The following FAIM2 variants were observed in gnomAD, a reference collection of about 807,000 sequenced individuals.
FAIM2 encodes the protein Fas apoptotic inhibitory molecule 2.
FAIM2 carries 27 observed loss-of-function variants against 47.4 expected under a neutral mutation model. That is an observed-to-expected ratio of 0.57 (90% CI 0.42 to 0.78). The LOEUF is 0.78. Among genes scored for constraint, FAIM2 ranks in the 30% least tolerant of loss-of-function variants. FAIM2 has a pLI of 0.00. For synonymous variants in FAIM2, 156 were observed against 159.3 expected, an observed-to-expected ratio of 0.98 and a Z score of 0.16; for missense variants, 311 against 389.4, an observed-to-expected ratio of 0.80 and a Z score of 1.69.
At chr12:49,884,228 A>AG (rs1946845343) in intron 11 of FAIM2, among the ~76,000 whole-genome samples, 1 of 58,724 alleles carries the variant, frequency 1.7e-5, no homozygotes, top group South Asian at 5.3e-4. Context: ...CGTCTCAGAA[A>AG]AAAAAAAAAA....
chr12:49,878,860 GTC>G (rs374417830), intron 11 of FAIM2, among the ~76,000 whole-genome samples: 2 of 59,554 alleles, frequency 3.4e-5, no homozygotes, highest in East Asian at 5.3e-4. Context: ...GTATGTGTGT[GTC>G]TGTGCATGTG....
chr12:49,891,063 C>T lies in FAIM2; in HGVS notation c.485+1G>A. The stretch of plus-strand genomic sequence containing the variant: ...AGTTCCTCCTCAAGCCATTAGCATA[C>T]CTGGGTCCAGAACAGCAAGCCAGGG... On this transcript the variant is annotated splice_donor_variant, in intron 6 of 11. Transcript: ENST00000320634. LOFTEE classifies it high-confidence loss of function. The T allele has an allele frequency of 6.2e-7, 1 of 1,614,048 alleles. No individual in the cohort carries two copies. The highest frequency in any genetic ancestry group is 8.5e-7 in the Non-Finnish European group (1 of 1,179,910).
chr12:49,903,408 C>T (rs1193411575), intron 1 of FAIM2, among the ~76,000 whole-genome samples: 3 of 152,162 alleles, frequency 2.0e-5, no homozygotes, highest in African/African-American at 7.2e-5. Flanking sequence ...GGGGGTTGCC[C>T]GATAGGCACT....
chr12:49,880,170 G>GTGTGTGTGCA (rs1946801001), intron 11 of FAIM2, among the ~76,000 whole-genome samples: 1 of 144,390 alleles, frequency 6.9e-6, no homozygotes, highest in African/African-American at 2.6e-5. Context: ...ATGTGTGTAT[G>GTGTGTGTGCA]TGTGTGTATG....
At chr12:49,897,607 C>T (rs982753335) in intron 3 of FAIM2, 24 bp from the exon 4 acceptor site, 14 of 1,595,438 alleles carry the variant, frequency 8.8e-6, no homozygotes, top group African/African-American at 2.7e-5. Flanking sequence ...GGGTTCTACT[C>T]AGCTTGGGGG....
In FAIM2 at chr12:49,873,564, A is replaced by G. The variant is rs115239495; in HGVS notation, c.802-2911T>C. Among the ~76,000 whole-genome samples the G allele has an allele frequency of 2.4e-3, 370 of 152,136 alleles. 1 individual carries two copies. The highest frequency in any genetic ancestry group is 8.7e-3 in the African/African-American group (361 of 41,532). ...TTGGTTGGTTTCCCAGAGCCTGGTC[A>G]CCCCTGGGTGAGCTAATGAAATGGA... On this transcript the variant is annotated intron_variant, in intron 11 of 11. Transcript: ENST00000320634.
At chr12:49,899,478 C>T (rs766705158) in intron 2 of FAIM2, among the ~76,000 whole-genome samples, 1 of 152,190 alleles carries the variant, frequency 6.6e-6, no homozygotes, top group Non-Finnish European at 1.5e-5. Context: ...ACCCTCCAGC[C>T]CCGCTATACA....
At chr12:49,890,500 C>G (rs1946892706) in intron 7 of FAIM2, among the ~76,000 whole-genome samples, 183 bp downstream of exon 7, 1 of 152,172 alleles carries the variant, frequency 6.6e-6, no homozygotes, top group Non-Finnish European at 1.5e-5. Flanking sequence ...CAAGATTAAG[C>G]CCATTTGGAA....
chr12:49,890,629 T>C, intron 7 of FAIM2, 54 bp downstream of exon 7: 1 of 1,557,434 alleles, frequency 6.4e-7, no homozygotes, highest in Non-Finnish European at 8.9e-7. Flanking sequence ...CCTGCTTCCC[T>C]TCTTCCTCCA....
chr12:49,879,154 ATGTG>A lies in FAIM2; in HGVS notation c.801+8228_801+8231del, dbSNP rs755558601. ...TATCTCTGCATGTTTGTGTATGTGC[ATGTG>A]TATGTGTGTGTGCATGAGTGCATGT... On this transcript the variant is annotated intron_variant, in intron 11 of 11. Coordinates refer to ENST00000320634, the MANE Select transcript of FAIM2 (RefSeq NM_012306.4). 4.6e-5 allele frequency among the ~76,000 whole-genome samples: 6 copies of A among 130,444 alleles called. 1 individual carries two copies. Among genetic ancestry groups the A allele is most frequent in the Non-Finnish European group, 9.6e-5 (6 of 62,620 alleles). 85.6% of individuals were successfully genotyped at this position (130,444 alleles called of 152,430 possible).
chr12:49,889,081 G>GGAC, intron 10 of FAIM2, 26 bp downstream of exon 10: 1 of 1,563,230 alleles, frequency 6.4e-7, no homozygotes, highest in South Asian at 1.2e-5. Context: ...TCCCCATGGG[G>GGAC]CCTGCTGGGG....
chr12:49,897,456 T>A, intron 4 of FAIM2, 63 bp downstream of exon 4: 1 of 1,472,470 alleles, frequency 6.8e-7, no homozygotes, highest in Non-Finnish European at 9.5e-7. Context: ...GATCATGGGT[T>A]CCCCGGCTCC....
At chr12:49,900,055 G>A (rs543059609) in intron 2 of FAIM2, 53 of 400,990 alleles carry the variant, frequency 1.3e-4, no homozygotes, top group African/African-American at 5.2e-4. Context: ...CATATTCTGC[G>A]AAAGCCCAGG....
At chr12:49,901,527 A>G (rs1412220880) in intron 1 of FAIM2, 1 of 482,460 alleles carries the variant, frequency 2.1e-6, no homozygotes, top group African/African-American at 2.0e-5. Flanking sequence ...GCTGGGGCAC[A>G]TGGTGGAGCT....
At chr12:49,892,669 T>C (rs1272929303) in intron 5 of FAIM2, among the ~76,000 whole-genome samples, 1 of 152,136 alleles carries the variant, frequency 6.6e-6, no homozygotes, top group Non-Finnish European at 1.5e-5. Flanking sequence ...GTCTGCCTGG[T>C]TCCCTCGATG....
At chr12:49,899,494 C>G (rs1258669008) in intron 2 of FAIM2, among the ~76,000 whole-genome samples, 1 of 152,228 alleles carries the variant, frequency 6.6e-6, no homozygotes, top group Non-Finnish European at 1.5e-5. Context: ...ATACATTCCT[C>G]CCCCGATCAG....
chr12:49,871,439 C>A (rs541151361), intron 11 of FAIM2, among the ~76,000 whole-genome samples: 2 of 152,168 alleles, frequency 1.3e-5, no homozygotes, highest in Non-Finnish European at 2.9e-5. Flanking sequence ...GCTGTGTCAC[C>A]CCCCTGCCCC....
At position 49,870,401 on chromosome 12, in the gene FAIM2, G is replaced by T; in HGVS notation, c.*103C>A. On this transcript the variant is annotated 3_prime_UTR_variant, in exon 12 of 12. Coordinates refer to ENST00000320634, the MANE Select transcript of FAIM2 (RefSeq NM_012306.4). ...TAGACAGTGACCTGGCCACAGGCTG[G>T]GTTGGCAGCTAGTTTTATATCTGGT... is the stretch of plus-strand genomic sequence containing the variant. The T allele has an allele frequency of 9.1e-7, 1 of 1,103,844 alleles. No individual in the cohort carries two copies. The highest frequency in any genetic ancestry group is 1.3e-6 in the Non-Finnish European group (1 of 746,570). 68.4% of individuals were successfully genotyped at this position (1,103,844 alleles called of 1,614,324 possible). A position where few individuals can be genotyped will look rare whatever the true frequency, so the allele number is the denominator to read the frequency against.
chr12:49,896,807 C>T (rs1407599032), intron 5 of FAIM2, among the ~76,000 whole-genome samples: 1 of 152,216 alleles, frequency 6.6e-6, no homozygotes, highest in Non-Finnish European at 1.5e-5. Flanking sequence ...AGAACCTACC[C>T]CCGTCTCCTT....
Sources: allele counts gnomAD v4.1 joint callset (sites outside exome capture counted in the v4.1 genomes callset), GRCh38; gene constraint gnomAD v4.1.1; transcripts MANE v1.5; gene names NCBI Gene and HGNC (gene_info 2026-07-23, HGNC 2026-07-21).